The following FGF18 variants were observed in gnomAD, a reference collection of about 807,000 sequenced individuals.
FGF18 encodes fibroblast growth factor 18.
FGF18 carries 5 observed loss-of-function variants against 23.0 expected under a neutral mutation model. That is an observed-to-expected ratio of 0.22 (90% confidence interval 0.11 to 0.46). The LOEUF is 0.46. FGF18 is among the 20% of genes least tolerant of loss of function. FGF18 has a pLI of 0.99. For synonymous variants in FGF18, 117 were observed against 118.9 expected (o/e 0.98, Z 0.10); for missense variants, 180 against 291.6 (o/e 0.62, Z 2.79).
intron 1 of FGF18, 52 bp downstream of exon 1, chr5:171,420,283 G>T (rs373454931): frequency 8.1e-6 from 13 of 1,606,372 alleles, no homozygotes; most frequent in Admixed American, 1.7e-5. Flanking sequence ...CTGTCCGTAT[G>T]CCTGTGCCCT....
intron 3 of FGF18, among the ~76,000 whole-genome samples, chr5:171,443,501 ATTTTTTT>A (rs59576538): frequency 4.7e-5 from 3 of 63,738 alleles, no homozygotes; most frequent in Non-Finnish European, 8.1e-5. Flanking sequence ...TGTTATCATC[ATTTTTTT>A]TTTTTTTTTT....
At chr5:171,428,789 G>A (rs1184629225) in intron 2 of FGF18, among the ~76,000 whole-genome samples, 2 of 152,226 alleles carry the variant, frequency 1.3e-5, no homozygotes, top group African/African-American at 4.8e-5. Flanking sequence ...ATTGAAACAG[G>A]GATCAGTGGG....
In FGF18 at chr5:171,456,837, G is replaced by A. The variant is rs749755689; in HGVS notation, c.*32G>A. ...CCGCCGCGGCCCCTCAGGTCGCCCT[G>A]GCCACACTCACACTCCCAGAAAACT... On this transcript the variant is annotated 3_prime_UTR_variant, in exon 5 of 5. Coordinates refer to ENST00000274625, the MANE Select transcript of FGF18 (RefSeq NM_003862.3). The surrounding 1 kb of genome is among the most constrained non-coding windows in gnomAD (Gnocchi z 6.1). 1 of 1,579,460 alleles carries A rather than the reference G, an allele frequency of 6.3e-7. No individual in the cohort carries two copies. Among genetic ancestry groups the A allele is most frequent in the East Asian group, 2.3e-5 (1 of 44,412 alleles).
chr5:171,451,706 G>A lies in FGF18; in HGVS notation c.357+2453G>A, dbSNP rs1288681992. Among the ~76,000 whole-genome samples, 1 of 152,154 alleles carries A rather than the reference G, an allele frequency of 6.6e-6. No individual in the cohort carries two copies. The highest frequency in any genetic ancestry group is 1.5e-5 in the Non-Finnish European group (1 of 68,024). On this transcript the variant is annotated intron_variant, in intron 4 of 4. Coordinates refer to ENST00000274625, the MANE Select transcript of FGF18 (RefSeq NM_003862.3). This position sits in a 1 kb window ranked among gnomAD's most constrained non-coding sequence, Gnocchi z 4.5. ...TTGCTATGGGACACCGAAGGCCCTG[G>A]GGAGCCTCCCCGGGCACATGGATTC...
In FGF18 at chr5:171,436,316, A is replaced by G; in HGVS notation, c.250+43A>G. On this transcript the variant is annotated intron_variant, in intron 3 of 4. Transcript: ENST00000274625. The surrounding 1 kb of genome is among the most constrained non-coding windows in gnomAD (Gnocchi z 4.4). ...CCTCCTACTCCGTGTACCCGTGTACATGTCCTTCCTGGCCTCAGAGACCTC... is the reference window on the plus strand; with the variant it reads ...CCTCCTACTCCGTGTACCCGTGTACGTGTCCTTCCTGGCCTCAGAGACCTC... The G allele has an allele frequency of 8.5e-6, 12 of 1,404,386 alleles. No individual in the cohort carries two copies. The highest frequency in any genetic ancestry group is 1.7e-5 in the South Asian group (1 of 59,242). 87.0% of individuals were successfully genotyped at this position (1,404,386 alleles called of 1,614,324 possible). A position where few individuals can be genotyped will look rare whatever the true frequency, so the allele number is the denominator to read the frequency against.
chr5:171,440,833 C>T lies in FGF18; in HGVS notation c.250+4560C>T, dbSNP rs1772330879. 6.6e-6 allele frequency among the ~76,000 whole-genome samples: 1 copy of T among 152,300 alleles called. No individual in the cohort carries two copies. The highest frequency in any genetic ancestry group is 1.9e-4 in the East Asian group (1 of 5,180). ...CCAGGCTGGGTACAGAGCCCCAGAGCCCCTGTGCTTGCCCTTGTCCCAACA... is the reference window on the plus strand; with the variant it reads ...CCAGGCTGGGTACAGAGCCCCAGAGTCCCTGTGCTTGCCCTTGTCCCAACA... On this transcript the variant is annotated intron_variant, in intron 3 of 4. Coordinates refer to ENST00000274625, the MANE Select transcript of FGF18 (RefSeq NM_003862.3). The surrounding 1 kb of genome is among the most constrained non-coding windows in gnomAD (Gnocchi z 4.0).
chr5:171,450,843 T>C (rs989829869), intron 4 of FGF18, among the ~76,000 whole-genome samples: 3 of 151,862 alleles, frequency 2.0e-5, no homozygotes, highest in African/African-American at 7.2e-5. Flanking sequence ...AGGCGCTTTG[T>C]TCTCCTGCCC....
chr5:171,454,286 G>C (rs1772553305), intron 4 of FGF18, among the ~76,000 whole-genome samples: 1 of 152,132 alleles, frequency 6.6e-6, no homozygotes, highest in African/African-American at 2.4e-5. Context: ...ATTCTAGGAT[G>C]GGGGAGCATC....
At chr5:171,422,466 AAC>A (rs1465602373) in intron 2 of FGF18, among the ~76,000 whole-genome samples, 4 of 152,074 alleles carry the variant, frequency 2.6e-5, no homozygotes, top group Admixed American at 2.0e-4. Context: ...AGGTCCCTGA[AAC>A]ACTGCACAAA....
chr5:171,452,412 G>A (rs950871407), intron 4 of FGF18, among the ~76,000 whole-genome samples: 1 of 152,260 alleles, frequency 6.6e-6, no homozygotes, highest in East Asian at 1.9e-4. Flanking sequence ...TACCTGCATT[G>A]AGCCCTTGAC....
chr5:171,430,810 A>AAAAAAG (rs1312588899), intron 2 of FGF18, among the ~76,000 whole-genome samples: 9 of 110,266 alleles, frequency 8.2e-5, no homozygotes, highest in Admixed American at 1.6e-4. Flanking sequence ...AAAAAAAAAA[A>AAAAAAG]AAAAAAGAAA....
In FGF18 at chr5:171,434,008, G is replaced by A. The variant is rs544642015; in HGVS notation, c.70-2085G>A. Among the ~76,000 whole-genome samples the A allele has an allele frequency of 2.6e-5, 4 of 152,304 alleles. No homozygotes were observed. The highest frequency in any genetic ancestry group is 9.6e-5 in the African/African-American group (4 of 41,572). On this transcript the variant is annotated intron_variant, in intron 2 of 4. Transcript: ENST00000274625. The surrounding 1 kb of genome is among the most constrained non-coding windows in gnomAD (Gnocchi z 4.6). ...GTTATCATCACCCTATTTTATAGGT[G>A]AGGAAACAGGCACTAGAGTTTAATA...
chr5:171,427,170 G>A (rs972824137), intron 2 of FGF18, among the ~76,000 whole-genome samples: 2 of 150,268 alleles, frequency 1.3e-5, no homozygotes, highest in Admixed American at 6.7e-5. Flanking sequence ...TCACGCCACT[G>A]CACTCCAGCC....
At chr5:171,422,985 C>T (rs1772038970) in intron 2 of FGF18, among the ~76,000 whole-genome samples, 2 of 152,226 alleles carry the variant, frequency 1.3e-5, no homozygotes, top group Admixed American at 1.3e-4. Flanking sequence ...CAGGAAGGCA[C>T]ATTGTGGCTG....
At chr5:171,443,039 T>TA (rs1229154148) in intron 3 of FGF18, among the ~76,000 whole-genome samples, 1 of 152,260 alleles carries the variant, frequency 6.6e-6, no homozygotes, top group African/African-American at 2.4e-5. Context: ...TCTATTAACT[T>TA]ACACTGATTC....
chr5:171,432,022 C>A (rs1167129667), intron 2 of FGF18, among the ~76,000 whole-genome samples: 1 of 152,146 alleles, frequency 6.6e-6, no homozygotes, highest in Non-Finnish European at 1.5e-5. Flanking sequence ...GCACTCCAGT[C>A]TGGGTGACAG....
rs188954853 is a variant in FGF18 at position 171,421,801 on chromosome 5, C to T, written c.69+1358C>T. Among the ~76,000 whole-genome samples the T allele has an allele frequency of 3.4e-4, 52 of 151,168 alleles. 1 individual carries two copies. In the East Asian group the frequency reaches 9.7e-3, roughly 28 times the overall value. On this transcript the variant is annotated intron_variant, in intron 2 of 4. Transcript: ENST00000274625. Reference sequence around the variant, plus strand: ...TTGGCCAGGCTGGGGTCCCCAGTGACTCCTTGAATCAATATAACTGGAGTC... The same window carrying T: ...TTGGCCAGGCTGGGGTCCCCAGTGATTCCTTGAATCAATATAACTGGAGTC...
In FGF18 at chr5:171,451,107, G is replaced by A. The variant is rs1772500585; in HGVS notation, c.357+1854G>A. ...CCCGCGGGCGAGCCGCTGAGTCACC[G>A]CTTCCACAGGAGCCGGCTCCGATTT... On this transcript the variant is annotated intron_variant, in intron 4 of 4. Coordinates refer to ENST00000274625, the MANE Select transcript of FGF18 (RefSeq NM_003862.3). This position sits in a 1 kb window ranked among gnomAD's most constrained non-coding sequence, Gnocchi z 4.5. Among the ~76,000 whole-genome samples, 1 of 123,932 alleles carries A rather than the reference G, an allele frequency of 8.1e-6. No homozygotes were observed. Among genetic ancestry groups the A allele is most frequent in the Admixed American group, 9.6e-5 (1 of 10,366 alleles). 81.3% of individuals were successfully genotyped at this position (123,932 alleles called of 152,430 possible).
At chr5:171,452,036 C>A (rs1423490150) in intron 4 of FGF18, among the ~76,000 whole-genome samples, 2 of 152,342 alleles carry the variant, frequency 1.3e-5, no homozygotes, top group South Asian at 2.1e-4. Flanking sequence ...GTTCTGTGTA[C>A]CTGGCCAAAG....
Sources: gnomAD v4.1 joint callset for allele counts (sites outside exome capture counted in the v4.1 genomes callset) on GRCh38, gnomAD v4.1.1 for gene constraint, Gnocchi (gnomAD v3.1) non-coding constraint, MANE v1.5 for transcripts, NCBI Gene and HGNC (gene_info 2026-07-23, HGNC 2026-07-21) for gene names.